PRKCH: variants seen among roughly 807,000 people sequenced by gnomAD.
PRKCH encodes protein kinase C eta type.
Under a neutral mutation model 82.5 loss-of-function variants are expected in PRKCH, and 28 were observed. The ratio of observed to expected loss-of-function variants is 0.34; its 90% CI spans 0.25 to 0.47. The LOEUF (loss-of-function observed/expected upper bound fraction) is 0.47. Ranked by LOEUF, PRKCH falls within the 20% of genes least tolerant of loss-of-function variation. The probability of loss-of-function intolerance (pLI) is 1.00; values close to 1 mark genes in which losing one functional copy is unlikely to be tolerated. For missense variants in PRKCH, 705 were observed against 881.8 expected, an observed-to-expected ratio of 0.80 and a Z score of 2.54; for synonymous variants, 322 against 327.4, an observed-to-expected ratio of 0.98 and a Z score of 0.18.
intron 1 of PRKCH, among the ~76,000 whole-genome samples, chr14:61,213,331 T>A (rs747225156): frequency 2.0e-5 from 3 of 152,184 alleles, no homozygotes; most frequent in Admixed American, 6.5e-5. Flanking sequence ...GTGACATTTG[T>A]CTGAGTCATT....
At chr14:61,364,036 AATATAT>A (rs557122984) in intron 1 of PRKCH, among the ~76,000 whole-genome samples, 1 of 145,410 alleles carries the variant, frequency 6.9e-6, no homozygotes, top group Non-Finnish European at 1.5e-5. Flanking sequence ...GTATATATAT[AATATAT>A]ATATATATAT....
chr14:61,228,524 A>T (rs1467188687), intron 1 of PRKCH, among the ~76,000 whole-genome samples: 2 of 152,174 alleles, frequency 1.3e-5, no homozygotes, highest in Non-Finnish European at 2.9e-5. Context: ...CAGAAAAAGG[A>T]AGCACATCTT....
chr14:61,278,636 CTG>C (rs2045225328), intron 1 of PRKCH: 1 of 152,160 alleles, frequency 6.6e-6, no homozygotes, highest in African/African-American at 2.4e-5. Flanking sequence ...TACCAAATAA[CTG>C]TTTGTTTTTA....
chr14:61,475,675 G>T (rs1405969568), intron 9 of PRKCH, among the ~76,000 whole-genome samples: 1 of 152,126 alleles, frequency 6.6e-6, no homozygotes, highest in Non-Finnish European at 1.5e-5. Flanking sequence ...AAAAATCATG[G>T]TCTTGATGAC....
chr14:61,354,404 TTGTGTGTGTGTG>T (rs3028729), intron 1 of PRKCH, among the ~76,000 whole-genome samples: 9 of 148,340 alleles, frequency 6.1e-5, no homozygotes, highest in South Asian at 2.2e-4. Context: ...CTGTTTCTAT[TTGTGTGTGTGTG>T]TGTGTGTGTG....
intron 2 of PRKCH, among the ~76,000 whole-genome samples, chr14:61,429,308 G>T (rs1346427901): frequency 2.0e-5 from 3 of 152,194 alleles, no homozygotes; most frequent in African/African-American, 7.2e-5. Context: ...CAATTTGTAA[G>T]TTTTGGGTAA....
intron 1 of PRKCH, among the ~76,000 whole-genome samples, chr14:61,367,716 C>CTT (rs34427789): frequency 3.6e-5 from 5 of 137,372 alleles, no homozygotes; most frequent in East Asian, 4.2e-4. Context: ...TGGAGAACTC[C>CTT]TTTTTTTTTT....
At chr14:61,467,201 C>T (rs1885300222) in intron 9 of PRKCH, among the ~76,000 whole-genome samples, 1 of 152,188 alleles carries the variant, frequency 6.6e-6, no homozygotes, top group African/African-American at 2.4e-5. Context: ...CACAAGAGCT[C>T]TGAGTTCTAA....
chr14:61,457,059 C>T (rs1373177603), intron 7 of PRKCH, 117 bp from the exon 8 acceptor site: 1 of 1,134,570 alleles, frequency 8.8e-7, no homozygotes, highest in Non-Finnish European at 1.2e-6. Context: ...CTGAGTTGAT[C>T]TTTCCCCCAC....
intron 1 of PRKCH, among the ~76,000 whole-genome samples, chr14:61,347,384 G>A (rs1045544032): frequency 1.3e-5 from 2 of 152,166 alleles, no homozygotes; most frequent in African/African-American, 2.4e-5. Context: ...GTCTATTCAT[G>A]CTTTCGTTCC....
chr14:61,497,685 G>T (rs1886730823), intron 10 of PRKCH, among the ~76,000 whole-genome samples: 1 of 152,082 alleles, frequency 6.6e-6, no homozygotes, highest in South Asian at 2.1e-4. Context: ...GATATTATAG[G>T]CTGTGGATAT....
Position 61,290,016 on chromosome 14 carries a change from A to T in PRKCH, c.-19+102348A>T, listed in dbSNP as rs1566808622. 2.0e-5 allele frequency among the ~76,000 whole-genome samples: 3 copies of T among 152,212 alleles called. No homozygotes were observed. In the South Asian group the frequency reaches 6.2e-4, roughly 32 times the overall value. ...CTGAGAGAATAGGAAAAATGTGTCC[A>T]GGCACGGTGGCCCATGCCTGTTATC... On this transcript the variant is annotated intron_variant, in intron 1 of 3. Transcript: ENST00000555185.
intron 12 of PRKCH, among the ~76,000 whole-genome samples, chr14:61,533,602 C>G (rs1404079327): frequency 6.6e-6 from 1 of 152,200 alleles, no homozygotes; most frequent in Non-Finnish European, 1.5e-5. Flanking sequence ...GCTGTGTGAC[C>G]TTGGGCAAAT....
chr14:61,436,450 T>C (rs528182752), intron 2 of PRKCH, among the ~76,000 whole-genome samples: 3 of 10,202 alleles, frequency 2.9e-4, no homozygotes, highest in East Asian at 0.17. Context: ...GAAATAACTA[T>C]GAGTACATAG....
intron 1 of PRKCH, among the ~76,000 whole-genome samples, chr14:61,196,709 G>C (rs184028904): frequency 1.3e-5 from 2 of 152,204 alleles, no homozygotes; most frequent in Non-Finnish European, 2.9e-5. Context: ...ACCAGTACAC[G>C]TTAAGAACAC....
intron 1 of PRKCH, among the ~76,000 whole-genome samples, chr14:61,193,826 A>G (rs1372534960): frequency 6.6e-6 from 1 of 152,232 alleles, no homozygotes; most frequent in Admixed American, 6.5e-5. Context: ...AGCTCGCCTG[A>G]TAATACATCC....
intron 1 of PRKCH, among the ~76,000 whole-genome samples, chr14:61,216,535 A>C (rs2044617775): frequency 6.6e-6 from 1 of 152,176 alleles, no homozygotes. Flanking sequence ...AAGAAATAAG[A>C]AGCAGCTGTG....
intron 2 of PRKCH, among the ~76,000 whole-genome samples, chr14:61,439,689 C>T (rs1594707831): frequency 6.6e-6 from 1 of 152,078 alleles, no homozygotes; most frequent in Admixed American, 6.5e-5. Flanking sequence ...TGTCACCCGG[C>T]TTTAGGATTT....
At position 61,348,761 on chromosome 14, in the gene PRKCH, C is replaced by T. The variant is rs538454784; in HGVS notation, c.363+26297C>T. Among the ~76,000 whole-genome samples, 212 of 152,348 alleles carry T rather than the reference C, an allele frequency of 1.4e-3. 1 individual carries two copies. The highest frequency in any genetic ancestry group is 2.4e-3 in the Non-Finnish European group (162 of 68,044). On this transcript the variant is annotated intron_variant, in intron 1 of 13. Transcript: ENST00000332981. ...TAAGGTCTCCCTCCATCTTTCCACC[C>T]CCACTATTTTATGCCTTCGTAGCCA...
Sources: allele counts gnomAD v4.1 joint callset (sites outside exome capture counted in the v4.1 genomes callset), GRCh38; gene constraint gnomAD v4.1.1; transcripts MANE v1.5; gene names NCBI Gene and HGNC (gene_info 2026-07-23, HGNC 2026-07-21).